The following ASIC2 variants were observed in gnomAD, a reference collection of about 807,000 sequenced individuals.
ASIC2 encodes the protein acid sensing ion channel subunit 2, also known as acid-sensing ion channel 2.
In ASIC2, 25 loss-of-function variants were observed where a neutral mutation model predicts 57.3. The observed-to-expected ratio is 0.44, with a 90% CI of 0.32 to 0.61. The LOEUF (loss-of-function observed/expected upper bound fraction) is 0.61, where lower values mean the gene tolerates loss of function less well. Among genes scored for constraint, ASIC2 ranks in the 20% least tolerant of loss-of-function variants. The pLI is 0.06. For synonymous variants in ASIC2, 319 were observed against 307.5 expected, an observed-to-expected ratio of 1.04 and a Z score of -0.39; for missense variants, 641 against 738.1, an observed-to-expected ratio of 0.87 and a Z score of 1.52.
At chr17:33,687,059 G>A (rs1286818051) in intron 1 of ASIC2, among the ~76,000 whole-genome samples, 1 of 152,180 alleles carries the variant, frequency 6.6e-6, no homozygotes, top group African/African-American at 2.4e-5. Flanking sequence ...TGTGTCCTTC[G>A]ATGAGTGGCT....
chr17:33,486,998 G>C (rs1364908558), intron 1 of ASIC2, among the ~76,000 whole-genome samples: 2 of 152,162 alleles, frequency 1.3e-5, no homozygotes, highest in African/African-American at 2.4e-5. Flanking sequence ...ATGCAGAAAG[G>C]CTGGCTTTGG....
At chr17:33,141,057 T>C (rs2092385768) in intron 1 of ASIC2, among the ~76,000 whole-genome samples, 3 of 151,666 alleles carry the variant, frequency 2.0e-5, no homozygotes, top group Non-Finnish European at 4.4e-5. Context: ...AGAAAGAGAG[T>C]CGCCTGTCTC....
intron 1 of ASIC2, among the ~76,000 whole-genome samples, chr17:33,476,650 G>A (rs1249074553): frequency 6.6e-6 from 1 of 151,688 alleles, no homozygotes; most frequent in African/African-American, 2.4e-5. Context: ...CCAAGAGGGG[G>A]TGCAGCTGAG....
intron 1 of ASIC2, among the ~76,000 whole-genome samples, chr17:33,319,989 G>A (rs552803810): frequency 6.6e-6 from 1 of 152,258 alleles, no homozygotes; most frequent in Non-Finnish European, 1.5e-5. Context: ...GAACAACCAA[G>A]CAAACTCAGG....
At chr17:33,694,920 T>G (rs1191484066) in intron 1 of ASIC2, among the ~76,000 whole-genome samples, 1 of 152,154 alleles carries the variant, frequency 6.6e-6, no homozygotes, top group Non-Finnish European at 1.5e-5. Context: ...GCAAATAGAA[T>G]GGCTGCCCCA....
At chr17:34,088,902 T>C (rs965480164) in intron 1 of ASIC2, among the ~76,000 whole-genome samples, 13 of 152,182 alleles carry the variant, frequency 8.5e-5, no homozygotes, top group African/African-American at 3.1e-4. Context: ...GCGCGGTATT[T>C]GGGTGGGAGT....
intron 1 of ASIC2, among the ~76,000 whole-genome samples, chr17:33,483,805 A>G (rs1260710906): frequency 6.6e-6 from 1 of 152,222 alleles, no homozygotes; most frequent in Non-Finnish European, 1.5e-5. Flanking sequence ...TTGTCCACGT[A>G]TTAGTCCTCA....
At chr17:33,181,385 C>T (rs1369641360) in intron 1 of ASIC2, among the ~76,000 whole-genome samples, 1 of 152,160 alleles carries the variant, frequency 6.6e-6, no homozygotes. Context: ...ATCCTTTCAG[C>T]AACCCTAGTA....
At chr17:33,057,641 G>T (rs555364380) in intron 3 of ASIC2, among the ~76,000 whole-genome samples, 2 of 152,346 alleles carry the variant, frequency 1.3e-5, no homozygotes, top group African/African-American at 4.8e-5. Context: ...GAGAATGGAG[G>T]AAAGAACATT....
chr17:33,513,453 C>A (rs552111991), intron 1 of ASIC2, among the ~76,000 whole-genome samples: 1 of 152,302 alleles, frequency 6.6e-6, no homozygotes, highest in East Asian at 1.9e-4. Context: ...GTTTTTATTT[C>A]TTCTTTGAGC....
intron 1 of ASIC2, among the ~76,000 whole-genome samples, chr17:33,613,937 T>C (rs576747054): frequency 6.6e-6 from 1 of 152,336 alleles, no homozygotes; most frequent in East Asian, 1.9e-4. Flanking sequence ...CTGTAGTGAC[T>C]ATAATGAATA....
At chr17:33,417,620 G>C (rs1910892796) in intron 1 of ASIC2, among the ~76,000 whole-genome samples, 2 of 152,158 alleles carry the variant, frequency 1.3e-5, no homozygotes, top group African/African-American at 4.8e-5. Flanking sequence ...TGAGATATGA[G>C]GTCTGTGCCT....
At chr17:34,126,560 T>C (rs1911787108) in intron 1 of ASIC2, among the ~76,000 whole-genome samples, 1 of 152,104 alleles carries the variant, frequency 6.6e-6, no homozygotes, top group African/African-American at 2.4e-5. Flanking sequence ...CTTCTCCACT[T>C]CTCTCTCAGC....
At chr17:33,573,317 G>T (rs543526889) in intron 1 of ASIC2, among the ~76,000 whole-genome samples, 1 of 152,180 alleles carries the variant, frequency 6.6e-6, no homozygotes, top group Admixed American at 6.5e-5. Context: ...ATAAAATATA[G>T]AAAATAATAC....
At chr17:33,751,326 C>G (rs1910424688) in intron 1 of ASIC2, among the ~76,000 whole-genome samples, 1 of 152,128 alleles carries the variant, frequency 6.6e-6, no homozygotes, top group Non-Finnish European at 1.5e-5. Context: ...AGTGGCACTG[C>G]CAGGAATTGT....
At chr17:33,443,300 C>T (rs931885100) in intron 1 of ASIC2, among the ~76,000 whole-genome samples, 15 of 151,702 alleles carry the variant, frequency 9.9e-5, no homozygotes, top group Non-Finnish European at 1.5e-4. Context: ...CCTCCATTTC[C>T]GGAGCTTATG....
At chr17:33,233,544 A>T (rs1908186341) in intron 1 of ASIC2, among the ~76,000 whole-genome samples, 1 of 150,936 alleles carries the variant, frequency 6.6e-6, no homozygotes, top group Non-Finnish European at 1.5e-5. Context: ...ACACACACAC[A>T]CACACACACA....
chr17:33,238,534 C>T (rs1039499769), intron 1 of ASIC2, among the ~76,000 whole-genome samples: 3 of 152,246 alleles, frequency 2.0e-5, no homozygotes, highest in Non-Finnish European at 2.9e-5. Context: ...CTACAACGGC[C>T]TGCCATCTCT....
chr17:33,616,256 G>A (rs1267601134), intron 1 of ASIC2, among the ~76,000 whole-genome samples: 1 of 149,770 alleles, frequency 6.7e-6, no homozygotes, highest in African/African-American at 2.4e-5. Flanking sequence ...AAGTATTTGG[G>A]GGTGGGTGGG....
Sources: gnomAD v4.1 joint callset for allele counts (sites outside exome capture counted in the v4.1 genomes callset) on GRCh38, gnomAD v4.1.1 for gene constraint, MANE v1.5 for transcripts, NCBI Gene and HGNC (gene_info 2026-07-23, HGNC 2026-07-21) for gene names.